SIL1: variants seen among roughly 807,000 people sequenced by gnomAD.
The protein encoded by SIL1 is SIL1 nucleotide exchange factor.
SIL1 carries 40 observed loss-of-function variants against 49.1 expected under a neutral mutation model. The ratio of observed to expected loss-of-function variants is 0.81; its 90% confidence interval spans 0.63 to 1.06. The LOEUF is 1.06. SIL1 is among the 50% of genes least tolerant of loss of function. SIL1 has a pLI of 0.00. For missense variants in SIL1, 500 were observed against 572.6 expected (o/e 0.87, Z 1.29); for synonymous variants, 253 against 250.8 (o/e 1.01, Z -0.08).
At chr5:139,018,459 G>A (rs1256175847) in intron 7 of SIL1, among the ~76,000 whole-genome samples, 4 of 151,756 alleles carry the variant, frequency 2.6e-5, no homozygotes, top group Non-Finnish European at 5.9e-5. Context: ...ATGTGGTGCC[G>A]CGTACCTGTA....
intron 1 of SIL1, 23 bp from the exon 2 acceptor site, chr5:139,127,876 C>G: frequency 6.9e-7 from 1 of 1,455,600 alleles, no homozygotes; most frequent in Non-Finnish European, 9.5e-7. Context: ...GCATAGACAA[C>G]AGAAGGTCAA....
At chr5:139,164,239 G>A (rs906553192) in intron 1 of SIL1, among the ~76,000 whole-genome samples, 1 of 152,090 alleles carries the variant, frequency 6.6e-6, no homozygotes, top group African/African-American at 2.4e-5. Flanking sequence ...AGCCAGGAAG[G>A]GACTCCAAGT....
At chr5:139,034,947 TAAC>T (rs1487086729) in intron 5 of SIL1, among the ~76,000 whole-genome samples, 1 of 152,234 alleles carries the variant, frequency 6.6e-6, no homozygotes, top group Admixed American at 6.5e-5. Flanking sequence ...TTTGACTTTT[TAAC>T]AATAGCCATT....
rs908393390 is a variant in SIL1 at position 139,120,893 on chromosome 5, C to T, written c.244+142G>A. Reference sequence around the variant, plus strand: ...CGAAGGTCCCTGAGCCCTGCAGCAGCAGCTACCACTCTGACGGACCATGCT... The same window carrying T: ...CGAAGGTCCCTGAGCCCTGCAGCAGTAGCTACCACTCTGACGGACCATGCT... On this transcript the variant is annotated intron_variant, in intron 3 of 9. Transcript: ENST00000394817. 47 of 1,013,872 alleles carry T rather than the reference C, an allele frequency of 4.6e-5. No homozygotes were observed. The Admixed American group carries it at 6.1e-4, about 13-fold the overall frequency. The allele number at this position is 1,013,872 out of a possible 1,614,324, so 62.8% of individuals were successfully genotyped here.
intron 7 of SIL1, among the ~76,000 whole-genome samples, chr5:138,989,535 G>A (rs1276932237): frequency 6.6e-6 from 1 of 152,162 alleles, no homozygotes; most frequent in Non-Finnish European, 1.5e-5. Flanking sequence ...CAGCAGCACA[G>A]GAGGGAGGGA....
intron 7 of SIL1, among the ~76,000 whole-genome samples, chr5:139,006,627 G>A (rs1405185740): frequency 3.3e-5 from 5 of 151,488 alleles, no homozygotes; most frequent in Admixed American, 2.6e-4. Flanking sequence ...ATCTTGAATT[G>A]ATTTTTGTAT....
chr5:138,958,645 G>T (rs1766950647), intron 7 of SIL1, among the ~76,000 whole-genome samples: 1 of 151,738 alleles, frequency 6.6e-6, no homozygotes. Flanking sequence ...CAAAGGAAAT[G>T]TTCATTGGAG....
At chr5:139,090,283 C>T (rs1240629039) in intron 3 of SIL1, among the ~76,000 whole-genome samples, 1 of 152,168 alleles carries the variant, frequency 6.6e-6, no homozygotes, top group Non-Finnish European at 1.5e-5. Flanking sequence ...GCCACTACAG[C>T]CTCTCCTTTG....
At chr5:139,001,958 C>T (rs995759865) in intron 7 of SIL1, among the ~76,000 whole-genome samples, 1 of 151,312 alleles carries the variant, frequency 6.6e-6, no homozygotes, top group Non-Finnish European at 1.5e-5. Flanking sequence ...CGGCTGTAAT[C>T]CTAGGACTTT....
chr5:139,142,650 T>C (rs1412376151), intron 1 of SIL1, among the ~76,000 whole-genome samples: 3 of 152,066 alleles, frequency 2.0e-5, no homozygotes, highest in African/African-American at 7.2e-5. Context: ...CTCAACATAA[T>C]AAAAGGCATA....
chr5:138,979,158 G>A (rs143562049), intron 7 of SIL1, among the ~76,000 whole-genome samples: 1,698 of 151,290 alleles, frequency 0.011, 39 homozygotes, highest in African/African-American at 0.038. Context: ...TCTGCCTCCC[G>A]GGTTCAAGCG....
At chr5:138,998,852 C>CTTTTTTTTTTT (rs35074969) in intron 7 of SIL1, among the ~76,000 whole-genome samples, 1 of 98,806 alleles carries the variant, frequency 1.0e-5, no homozygotes, top group Non-Finnish European at 1.9e-5. Flanking sequence ...ATTATCTTTC[C>CTTTTTTTTTTT]TTTTTTTTTT....
At chr5:139,022,819 G>T (rs771836664) in intron 6 of SIL1, among the ~76,000 whole-genome samples, 1 of 152,138 alleles carries the variant, frequency 6.6e-6, no homozygotes, top group Non-Finnish European at 1.5e-5. Context: ...CTCAGGGTTG[G>T]GTGCTTTGCT....
At chr5:138,971,428 T>C (rs143167575) in intron 7 of SIL1, among the ~76,000 whole-genome samples, 132 of 152,280 alleles carry the variant, frequency 8.7e-4, no homozygotes, top group Middle Eastern at 3.4e-3. Context: ...TGCACAGGAC[T>C]TTTTCTACTT....
At chr5:139,123,597 A>G (rs1581118040) in intron 2 of SIL1, among the ~76,000 whole-genome samples, 1 of 152,314 alleles carries the variant, frequency 6.6e-6, no homozygotes, top group Non-Finnish European at 1.5e-5. Flanking sequence ...CCCTGGTCAG[A>G]AGCATTAGAC....
chr5:138,962,884 G>A (rs1051045031), intron 7 of SIL1, among the ~76,000 whole-genome samples: 2 of 152,226 alleles, frequency 1.3e-5, no homozygotes, highest in Admixed American at 6.5e-5. Flanking sequence ...AGACCACAGG[G>A]TAGGGAACAT....
At chr5:138,987,846 A>G (rs1767677719) in intron 7 of SIL1, among the ~76,000 whole-genome samples, 1 of 152,076 alleles carries the variant, frequency 6.6e-6, no homozygotes. Context: ...TGAGCTTTTT[A>G]TTTTTTGAGA....
At chr5:138,953,815 TGA>T (rs1766841155) in intron 7 of SIL1, among the ~76,000 whole-genome samples, 1 of 152,216 alleles carries the variant, frequency 6.6e-6, no homozygotes, top group Non-Finnish European at 1.5e-5. Context: ...ACGACCACGC[TGA>T]GAGATTCACA....
chr5:138,997,452 G>C (rs1767894217), intron 7 of SIL1, among the ~76,000 whole-genome samples: 1 of 152,158 alleles, frequency 6.6e-6, no homozygotes, highest in South Asian at 2.1e-4. Flanking sequence ...TAAATGTGTG[G>C]ATTTACACCT....
Sources: gnomAD v4.1 joint callset for allele counts (sites outside exome capture counted in the v4.1 genomes callset) on GRCh38, gnomAD v4.1.1 for gene constraint, MANE v1.5 for transcripts, NCBI Gene and HGNC (gene_info 2026-07-23, HGNC 2026-07-21) for gene names.